Variants in MARCHF1 observed in about 807,000 individuals in gnomAD.
MARCHF1 encodes E3 ubiquitin-protein ligase MARCHF1.
Under a neutral mutation model 54.2 loss-of-function variants are expected in MARCHF1, and 40 were observed. The observed-to-expected ratio is 0.74, with a 90% confidence interval of 0.57 to 0.96. The LOEUF (loss-of-function observed/expected upper bound fraction) is 0.96. Ranked by LOEUF, MARCHF1 falls within the 40% of genes least tolerant of loss-of-function variation. The pLI, the probability that MARCHF1 is intolerant of heterozygous loss-of-function variation, is 0.00. For missense variants in MARCHF1, 586 were observed against 656.5 expected, an observed-to-expected ratio of 0.89 and a Z score of 1.17; for synonymous variants, 236 against 236.3, an observed-to-expected ratio of 1.00 and a Z score of 0.01.
At chr4:163,628,212 A>G (rs1332965370) in intron 5 of MARCHF1, among the ~76,000 whole-genome samples, 3 of 152,248 alleles carry the variant, frequency 2.0e-5, no homozygotes, top group Non-Finnish European at 4.4e-5. Context: ...ATTCAATAAT[A>G]AACAGACAAC....
intron 1 of MARCHF1, among the ~76,000 whole-genome samples, chr4:164,289,287 C>G (rs1015872772): frequency 6.6e-6 from 1 of 151,964 alleles, no homozygotes; most frequent in Admixed American, 6.6e-5. Flanking sequence ...TTGTGAACCA[C>G]TGTGTGTGGC....
intron 3 of MARCHF1, among the ~76,000 whole-genome samples, chr4:163,948,905 C>T (rs1001070469): frequency 3.3e-5 from 5 of 152,206 alleles, no homozygotes; most frequent in African/African-American, 9.6e-5. Flanking sequence ...ATTAGAAACA[C>T]CAAGTCTAGG....
intron 2 of MARCHF1, among the ~76,000 whole-genome samples, chr4:164,004,733 T>C (rs1235419656): frequency 6.6e-6 from 1 of 151,970 alleles, no homozygotes; most frequent in East Asian, 1.9e-4. Context: ...AGTAATGTCT[T>C]TAAATAAAGC....
At chr4:164,305,425 A>G (rs1183211338) in intron 1 of MARCHF1, among the ~76,000 whole-genome samples, 1 of 152,106 alleles carries the variant, frequency 6.6e-6, no homozygotes. Flanking sequence ...TGAAAGATGA[A>G]CTGGAGTGAA....
chr4:164,256,751 T>C (rs541310886), intron 1 of MARCHF1, among the ~76,000 whole-genome samples: 3 of 152,296 alleles, frequency 2.0e-5, no homozygotes, highest in East Asian at 1.9e-4. Flanking sequence ...GACCAACTGC[T>C]ATAAAATAAA....
chr4:163,894,140 T>C (rs1246637731), intron 3 of MARCHF1, among the ~76,000 whole-genome samples: 2 of 152,126 alleles, frequency 1.3e-5, no homozygotes, highest in East Asian at 1.9e-4. Context: ...AGAGTAATAT[T>C]ATTTCGTATT....
chr4:163,995,474 AG>A (rs1219765295), intron 2 of MARCHF1, among the ~76,000 whole-genome samples: 1 of 152,010 alleles, frequency 6.6e-6, no homozygotes, highest in African/African-American at 2.4e-5. Context: ...TTGGGCTAAA[AG>A]TCCCAACCAT....
chr4:163,994,579 A>AT (rs1753030945), intron 2 of MARCHF1, among the ~76,000 whole-genome samples: 1 of 151,932 alleles, frequency 6.6e-6, no homozygotes, highest in African/African-American at 2.4e-5. Flanking sequence ...TAATAATAAC[A>AT]TTTAAAAAAA....
chr4:163,635,975 C>T (rs956061349), intron 5 of MARCHF1, among the ~76,000 whole-genome samples: 7 of 152,142 alleles, frequency 4.6e-5, no homozygotes, highest in Non-Finnish European at 7.3e-5. Flanking sequence ...AGCATATAAA[C>T]AGAGCCAAAG....
rs1453395468 is a variant in MARCHF1, at chr4:163,652,975, A to G, written c.163-39582T>C. On this transcript the variant is annotated intron_variant, in intron 5 of 9. Transcript: ENST00000514618. ...CCTCATGGAGTTCATGTATTATCAA[A>G]GGGGGGAAGGTTGGACACAGGAAAT... Among the ~76,000 whole-genome samples, 4 of 151,840 alleles carry G rather than the reference A, an allele frequency of 2.6e-5. No individual in the cohort carries two copies. The Admixed American group carries it at 2.6e-4, about 10-fold the overall frequency.
intron 3 of MARCHF1, among the ~76,000 whole-genome samples, chr4:163,907,543 A>T (rs1489601384): frequency 1.3e-5 from 2 of 152,100 alleles, no homozygotes; most frequent in Non-Finnish European, 2.9e-5. Flanking sequence ...TTCTAAACCA[A>T]TCATCCACAT....
chr4:163,810,403 A>T (rs1345669205), intron 4 of MARCHF1, among the ~76,000 whole-genome samples: 2 of 152,198 alleles, frequency 1.3e-5, no homozygotes, highest in African/African-American at 2.4e-5. Context: ...ACCTTCTTTT[A>T]CAAAGTAGCA....
chr4:164,199,637 C>A (rs2111080803), intron 1 of MARCHF1, among the ~76,000 whole-genome samples: 1 of 77,352 alleles, frequency 1.3e-5, no homozygotes, highest in African/African-American at 4.5e-5. Context: ...CTCTGTCACA[C>A]ACACACACAC....
intron 7 of MARCHF1, among the ~76,000 whole-genome samples, chr4:163,594,122 G>C (rs1319494980): frequency 6.6e-6 from 1 of 152,102 alleles, no homozygotes; most frequent in African/African-American, 2.4e-5. Context: ...TGGGGACCGG[G>C]GGAGGGTAGA....
chr4:163,621,305 G>T (rs1395639473), intron 5 of MARCHF1, among the ~76,000 whole-genome samples: 1 of 152,108 alleles, frequency 6.6e-6, no homozygotes, highest in African/African-American at 2.4e-5. Context: ...AATAAGAATT[G>T]CTGGGAAGTT....
chr4:164,274,060 T>C (rs2111316731), intron 1 of MARCHF1, among the ~76,000 whole-genome samples: 1 of 152,012 alleles, frequency 6.6e-6, no homozygotes, highest in East Asian at 1.9e-4. Context: ...ACACACACTT[T>C]ACAGTACAGA....
chr4:163,805,492 G>A (rs775466487), intron 4 of MARCHF1, among the ~76,000 whole-genome samples: 2 of 152,120 alleles, frequency 1.3e-5, no homozygotes, highest in Non-Finnish European at 2.9e-5. Context: ...ATTTGGCATG[G>A]CACTTTTGAG....
intron 5 of MARCHF1, among the ~76,000 whole-genome samples, chr4:163,658,583 A>C (rs977007211): frequency 6.6e-6 from 1 of 152,032 alleles, no homozygotes; most frequent in African/African-American, 2.4e-5. Flanking sequence ...TCATTCTACT[A>C]TCAAGACCAT....
At chr4:164,129,525 G>C (rs1173065041) in intron 1 of MARCHF1, among the ~76,000 whole-genome samples, 1 of 152,080 alleles carries the variant, frequency 6.6e-6, no homozygotes, top group Non-Finnish European at 1.5e-5. Context: ...ATTATCAAAA[G>C]GGATGGCATA....
Sources: allele counts gnomAD v4.1 joint callset (sites outside exome capture counted in the v4.1 genomes callset), GRCh38; gene constraint gnomAD v4.1.1; transcripts MANE v1.5; gene names NCBI Gene and HGNC (gene_info 2026-07-23, HGNC 2026-07-21).